The following CNTNAP2 variants were observed in gnomAD, a reference collection of about 807,000 sequenced individuals.
CNTNAP2 encodes the protein contactin-associated protein-like 2.
In CNTNAP2, 98 loss-of-function variants were observed where a neutral mutation model predicts 155.2. That is an observed-to-expected ratio of 0.63 (90% CI 0.54 to 0.75). CNTNAP2 has a LOEUF of 0.75. CNTNAP2 is among the 30% of genes least tolerant of loss of function. The pLI, the probability that CNTNAP2 is intolerant of heterozygous loss-of-function variation, is 0.00. For synonymous variants in CNTNAP2, 651 were observed against 631.2 expected, an observed-to-expected ratio of 1.03 and a Z score of -0.47; for missense variants, 1,727 against 1,688.1, an observed-to-expected ratio of 1.02 and a Z score of -0.40.
chr7:146,935,265 A>C (rs1022763031), intron 3 of CNTNAP2, among the ~76,000 whole-genome samples: 1 of 152,224 alleles, frequency 6.6e-6, no homozygotes. Flanking sequence ...TCTATGAACA[A>C]TAGAAATGAA....
chr7:146,441,525 A>T (rs753883625), intron 1 of CNTNAP2, among the ~76,000 whole-genome samples: 1 of 151,436 alleles, frequency 6.6e-6, no homozygotes, highest in East Asian at 1.9e-4. Flanking sequence ...CATGGAGATC[A>T]TTCTCTGGTT....
At chr7:146,195,324 T>G (rs67548137) in intron 1 of CNTNAP2, among the ~76,000 whole-genome samples, 7,972 of 152,240 alleles carry the variant, frequency 0.052, 243 homozygotes, top group Middle Eastern at 0.11. Context: ...GTAAATAAAG[T>G]TGAGAATACT....
chr7:146,982,425 A>G (rs1189096580), intron 3 of CNTNAP2, among the ~76,000 whole-genome samples: 1 of 152,130 alleles, frequency 6.6e-6, no homozygotes, highest in Non-Finnish European at 1.5e-5. Flanking sequence ...AGCTATAGGA[A>G]ATTATCCTAG....
chr7:148,120,575 C>T (rs1804576291), intron 16 of CNTNAP2, among the ~76,000 whole-genome samples: 1 of 152,112 alleles, frequency 6.6e-6, no homozygotes, highest in Non-Finnish European at 1.5e-5. Context: ...CCACTAATTT[C>T]TAATTATGAA....
In CNTNAP2 at chr7:147,580,619, ATTT is replaced by A. The variant is rs5888275; in HGVS notation, c.1897+18374_1897+18376del. 9.8e-5 allele frequency among the ~76,000 whole-genome samples: 14 copies of A among 142,368 alleles called. 1 individual carries two copies. The highest frequency in any genetic ancestry group is 3.7e-4 in the African/African-American group (14 of 38,356). 93.4% of individuals were successfully genotyped at this position (142,368 alleles called of 152,430 possible). ...TGTTGATCTTGTTTTTTACATTATC[ATTT>A]TTTTTTTTTTTGAGACGGAATCTTG... On this transcript the variant is annotated intron_variant, in intron 12 of 23. Transcript: ENST00000361727.
intron 9 of CNTNAP2, among the ~76,000 whole-genome samples, chr7:147,351,983 A>G (rs1003182086): frequency 1.4e-4 from 21 of 151,960 alleles, no homozygotes; most frequent in African/African-American, 5.1e-4. Flanking sequence ...CTAAATTAAA[A>G]TGTGCCAATT....
intron 18 of CNTNAP2, among the ~76,000 whole-genome samples, chr7:148,196,508 G>A (rs940481495): frequency 6.6e-6 from 1 of 152,116 alleles, no homozygotes; most frequent in Non-Finnish European, 1.5e-5. Flanking sequence ...ATAGTAACTG[G>A]CAGGCTTACA....
At chr7:147,586,523 G>GAAGGGGGAGGA (rs772731379) in intron 12 of CNTNAP2, among the ~76,000 whole-genome samples, 2 of 42,008 alleles carry the variant, frequency 4.8e-5, no homozygotes, top group African/African-American at 2.9e-4. Context: ...AGAGAGAGAA[G>GAAGGGGGAGGA]AGGAAGGAAG....
intron 3 of CNTNAP2, among the ~76,000 whole-genome samples, chr7:146,895,923 G>T (rs1190652257): frequency 6.6e-6 from 1 of 152,014 alleles, no homozygotes; most frequent in Admixed American, 6.6e-5. Flanking sequence ...ATCTTTCTGT[G>T]GAGGATTATT....
chr7:147,355,610 C>A (rs376752444), intron 9 of CNTNAP2, among the ~76,000 whole-genome samples: 1 of 152,138 alleles, frequency 6.6e-6, no homozygotes, highest in East Asian at 1.9e-4. Context: ...GGGGATCTCA[C>A]CACTGATCCC....
chr7:148,098,444 G>GAAAAAAAAAAAA (rs61014019), intron 15 of CNTNAP2, among the ~76,000 whole-genome samples: 5 of 56,406 alleles, frequency 8.9e-5, no homozygotes, highest in African/African-American at 4.0e-4. Context: ...CTCTGTCTCA[G>GAAAAAAAAAAAA]AAAAAAAAAA....
intron 14 of CNTNAP2, among the ~76,000 whole-genome samples, chr7:147,948,204 T>C (rs572376058): frequency 1.3e-5 from 2 of 149,154 alleles, no homozygotes; most frequent in African/African-American, 5.1e-5. Context: ...GGTTAATGAG[T>C]AGAAAAAAAT....
chr7:146,515,683 A>G (rs1368054990), intron 1 of CNTNAP2, among the ~76,000 whole-genome samples: 1 of 152,066 alleles, frequency 6.6e-6, no homozygotes, highest in Admixed American at 6.6e-5. Flanking sequence ...GATTTATTGG[A>G]TGCCCAATAA....
At chr7:146,126,663 T>C (rs1359992194) in intron 1 of CNTNAP2, among the ~76,000 whole-genome samples, 1 of 152,256 alleles carries the variant, frequency 6.6e-6, no homozygotes, top group African/African-American at 2.4e-5. Context: ...TTGCTATTAC[T>C]AAAGTTAAAA....
chr7:147,350,448 A>T (rs1009467648), intron 9 of CNTNAP2, among the ~76,000 whole-genome samples: 2 of 151,908 alleles, frequency 1.3e-5, no homozygotes, highest in Non-Finnish European at 2.9e-5. Context: ...CTCATTTCCC[A>T]TAAATAATGT....
chr7:147,115,084 GA>G (rs1398152644), intron 5 of CNTNAP2, among the ~76,000 whole-genome samples: 3 of 152,286 alleles, frequency 2.0e-5, no homozygotes, highest in African/African-American at 7.2e-5. Flanking sequence ...AGTTTGACTG[GA>G]TGTGAAGTTC....
At chr7:146,598,192 A>G (rs999679135) in intron 1 of CNTNAP2, among the ~76,000 whole-genome samples, 27 of 152,220 alleles carry the variant, frequency 1.8e-4, no homozygotes, top group African/African-American at 6.3e-4. Flanking sequence ...CTGTCTGGGC[A>G]CCATCCCATT....
chr7:146,217,540 C>T (rs552543678), intron 1 of CNTNAP2, among the ~76,000 whole-genome samples: 3 of 152,168 alleles, frequency 2.0e-5, no homozygotes, highest in East Asian at 1.9e-4. Context: ...AAACCTGAGG[C>T]GCAGGGAAAT....
intron 11 of CNTNAP2, among the ~76,000 whole-genome samples, chr7:147,498,106 T>C (rs1377670626): frequency 2.6e-5 from 4 of 151,340 alleles, no homozygotes; most frequent in Admixed American, 2.6e-4. Context: ...ACTTGCTGCT[T>C]GGTTGTTAGT....
Sources: gnomAD v4.1 joint callset for allele counts (sites outside exome capture counted in the v4.1 genomes callset) on GRCh38, gnomAD v4.1.1 for gene constraint, MANE v1.5 for transcripts, NCBI Gene and HGNC (gene_info 2026-07-23, HGNC 2026-07-21) for gene names.